The following F2RL1 variants were observed in gnomAD, a reference collection of about 807,000 sequenced individuals.
F2RL1 encodes the protein F2R like trypsin receptor 1.
Under a neutral mutation model 21.7 loss-of-function variants are expected in F2RL1, and 16 were observed. The observed-to-expected ratio is 0.74, with a 90% confidence interval of 0.50 to 1.12. The LOEUF (loss-of-function observed/expected upper bound fraction) is 1.12. Ranked by LOEUF, F2RL1 falls within the 50% of genes most tolerant of loss-of-function variation. The probability of loss-of-function intolerance (pLI) is 0.00; values close to 1 mark genes in which losing one functional copy is unlikely to be tolerated. For synonymous variants in F2RL1, 181 were observed against 186.7 expected, an observed-to-expected ratio of 0.97 and a Z score of 0.25; for missense variants, 432 against 477.8, an observed-to-expected ratio of 0.90 and a Z score of 0.89.
chr5:76,821,077 C>T lies in F2RL1; in HGVS notation c.82+1813C>T, dbSNP rs2243002. On this transcript the variant is annotated intron_variant, in intron 1 of 1. Transcript: ENST00000296677. ...CGTGCCCCTCAGGTGGCTGCAGGGC[C>T]GATTTGGGGTTTGATTTTCTTCCCA... 6.9e-3 allele frequency among the ~76,000 whole-genome samples: 1,057 copies of T among 152,134 alleles called. 8 individuals carry two copies. The highest frequency in any genetic ancestry group is 0.024 in the African/African-American group (1,014 of 41,488).
intron 1 of F2RL1, among the ~76,000 whole-genome samples, chr5:76,825,040 CT>C (rs1750214248): frequency 6.9e-6 from 1 of 144,364 alleles, no homozygotes; most frequent in Admixed American, 7.0e-5. Context: ...CAGAGTCTCA[CT>C]CTGTTGCCAG....
Position 76,828,008 on chromosome 5 carries a change from C to T in F2RL1, c.83-4682C>T, listed in dbSNP as rs181503733. 3.6e-4 allele frequency among the ~76,000 whole-genome samples: 55 copies of T among 152,122 alleles called. No homozygotes were observed. In the East Asian group the frequency reaches 8.3e-3, roughly 23 times the overall value. The stretch of plus-strand genomic sequence containing the variant: ...TTAAATAGACATGGTTTCACTCTGT[C>T]GCCCAGGCTGGAGTGCAATGGCGTG... On this transcript the variant is annotated intron_variant, in intron 1 of 1. Coordinates refer to ENST00000296677, the MANE Select transcript of F2RL1 (RefSeq NM_005242.6).
rs1750413061 is a variant in F2RL1, at chr5:76,834,090, A to C, written c.*289A>C. 3.1e-6 allele frequency: 1 copy of C among 321,806 alleles called. No individual in the cohort carries two copies. Among genetic ancestry groups the C allele is most frequent in the Admixed American group, 4.5e-5 (1 of 22,376 alleles). 19.9% of individuals were successfully genotyped at this position (321,806 alleles called of 1,614,324 possible). On this transcript the variant is annotated 3_prime_UTR_variant, in exon 2 of 2. Coordinates refer to ENST00000296677, the MANE Select transcript of F2RL1 (RefSeq NM_005242.6). ...GACAGAAACCCAGTAACTTGCAAAA[A>C]GTAGACTTGGTGTGAAGACTCACTT...
At chr5:76,828,233 T>C (rs1750281079) in intron 1 of F2RL1, among the ~76,000 whole-genome samples, 1 of 152,110 alleles carries the variant, frequency 6.6e-6, no homozygotes, top group Non-Finnish European at 1.5e-5. Flanking sequence ...CCTCCAATAG[T>C]GCTGGGATTA....
intron 1 of F2RL1, among the ~76,000 whole-genome samples, chr5:76,830,954 C>T (rs889293585): frequency 6.6e-6 from 1 of 152,016 alleles, no homozygotes; most frequent in Non-Finnish European, 1.5e-5. Flanking sequence ...CCCTGGTATA[C>T]GGCAGTGCAA....
intron 1 of F2RL1, among the ~76,000 whole-genome samples, chr5:76,820,424 A>G (rs938388979): frequency 4.6e-5 from 7 of 152,124 alleles, no homozygotes; most frequent in African/African-American, 1.7e-4. Context: ...AGATGGAAGA[A>G]TGTGATTCTT....
At chr5:76,826,432 T>A (rs1040994547) in intron 1 of F2RL1, among the ~76,000 whole-genome samples, 21 of 152,214 alleles carry the variant, frequency 1.4e-4, no homozygotes, top group African/African-American at 4.3e-4. Context: ...TTGATAGAAA[T>A]GGGATAATGT....
At chr5:76,824,343 C>T (rs561839067) in intron 1 of F2RL1, among the ~76,000 whole-genome samples, 11 of 150,516 alleles carry the variant, frequency 7.3e-5, no homozygotes, top group South Asian at 2.1e-4. Flanking sequence ...CGCCCATCCC[C>T]GAACCCCAGA....
chr5:76,826,563 G>A (rs2243036), intron 1 of F2RL1, among the ~76,000 whole-genome samples: 13,459 of 151,736 alleles, frequency 0.089, 837 homozygotes, highest in East Asian at 0.24. Flanking sequence ...ACCCAGGCTG[G>A]AGTGCAGTGG....
chr5:76,819,153 C>G lies in F2RL1; in HGVS notation c.-30C>G. The G allele has an allele frequency of 6.4e-7, 1 of 1,553,762 alleles. No individual in the cohort carries two copies. The highest frequency in any genetic ancestry group is 8.6e-7 in the Non-Finnish European group (1 of 1,156,976). On this transcript the variant is annotated 5_prime_UTR_variant, in exon 1 of 2. Transcript: ENST00000296677. ...TTCGAATCGGCGGCGGCGGATTCCC[C>G]GCGCGCCCGGCGTCGGGGCTTCCAG...
rs1347674696 is a variant in F2RL1, at chr5:76,832,674, T to G, written c.83-16T>G. ...ATTTATTTCTGTAATGACCCTTGTC[T>G]TCCTTTCTTGTACAGGAACCAGTAG... On this transcript the variant is annotated splice_polypyrimidine_tract_variant and intron_variant, in intron 1 of 1. Transcript: ENST00000296677. 1 of 1,572,632 alleles carries G rather than the reference T, an allele frequency of 6.4e-7. No homozygotes were observed. Among genetic ancestry groups the G allele is most frequent in the East Asian group, 2.3e-5 (1 of 44,414 alleles).
intron 1 of F2RL1, among the ~76,000 whole-genome samples, chr5:76,828,391 T>C (rs1190155336): frequency 2.0e-5 from 3 of 152,192 alleles, no homozygotes; most frequent in Non-Finnish European, 4.4e-5. Context: ...GTATGAGGGA[T>C]TTCTTTTTCA....
intron 1 of F2RL1, among the ~76,000 whole-genome samples, chr5:76,827,662 C>G (rs1750269124): frequency 7.2e-6 from 1 of 138,054 alleles, no homozygotes; most frequent in Non-Finnish European, 1.5e-5. Flanking sequence ...TGCAATGGCA[C>G]AGTCTAGGCT....
chr5:76,824,501 G>A (rs1750204266), intron 1 of F2RL1, among the ~76,000 whole-genome samples: 1 of 151,908 alleles, frequency 6.6e-6, no homozygotes, highest in Admixed American at 6.6e-5. Flanking sequence ...GCTAATTTTT[G>A]TATTTTTAGT....
At chr5:76,831,971 C>G (rs542430176) in intron 1 of F2RL1, among the ~76,000 whole-genome samples, 11 of 149,440 alleles carry the variant, frequency 7.4e-5, no homozygotes, top group Admixed American at 6.0e-4. Flanking sequence ...GCCAGGAGTT[C>G]GAGACCAGCT....
intron 1 of F2RL1, among the ~76,000 whole-genome samples, chr5:76,827,656 A>G (rs1034231631): frequency 1.4e-5 from 2 of 144,532 alleles, no homozygotes; most frequent in Admixed American, 1.4e-4. Flanking sequence ...CCAGAGTGCA[A>G]TGGCACAGTC....
chr5:76,823,915 C>A (rs1750188295), intron 1 of F2RL1, among the ~76,000 whole-genome samples: 1 of 149,964 alleles, frequency 6.7e-6, no homozygotes, highest in South Asian at 2.1e-4. Flanking sequence ...CGGGTTCATG[C>A]CATTCTCCTG....
Position 76,833,427 on chromosome 5 carries a change from A to G in F2RL1, c.820A>G (p.Met274Val), listed in dbSNP as rs1215678275. The G allele has an allele frequency of 2.5e-6, 4 of 1,613,810 alleles. No individual in the cohort carries two copies. Among genetic ancestry groups the G allele is most frequent in the Non-Finnish European group, 3.4e-6 (4 of 1,180,010 alleles). Residue 274 changes from methionine (M) to valine (V), a missense_variant, in exon 2 of 2, where the codon ATG becomes GTG. Transcript: ENST00000296677. The stretch of plus-strand genomic sequence containing the variant: ...GATCAGAATGCTGCGATCTTCTGCC[A>G]TGGATGAAAACTCAGAGAAGAAAAG... Reference protein sequence around the residue: ...LMIRMLRSSAMDENSEKKRKR... With the variant: ...LMIRMLRSSAVDENSEKKRKR...
rs776792244 is a variant in F2RL1, at chr5:76,832,969, ACCT to A, written c.367_369del (p.Leu123del). ...TACATGGCCAATCTGGCCTTGGCTG[ACCT>A]CCTCTCTGTCATCTGGTTCCCCTTG... is the stretch of plus-strand genomic sequence containing the variant. On this transcript the variant is annotated inframe_deletion, in exon 2 of 2. Coordinates refer to ENST00000296677, the MANE Select transcript of F2RL1 (RefSeq NM_005242.6). The A allele has an allele frequency of 3.1e-6, 5 of 1,614,114 alleles. No homozygotes were observed. The highest frequency in any genetic ancestry group is 4.2e-6 in the Non-Finnish European group (5 of 1,180,034).
Sources: gnomAD v4.1 joint callset for allele counts (sites outside exome capture counted in the v4.1 genomes callset) on GRCh38, gnomAD v4.1.1 for gene constraint, MANE v1.5 for transcripts, NCBI Gene and HGNC (gene_info 2026-07-23, HGNC 2026-07-21) for gene names.